Variants in TRUB1 observed in about 807,000 individuals in gnomAD.
TRUB1 encodes the protein pseudouridylate synthase TRUB1.
Under a neutral mutation model 33.9 loss-of-function variants are expected in TRUB1, and 23 were observed. The observed-to-expected ratio is 0.68, with a 90% CI of 0.49 to 0.96. The LOEUF (loss-of-function observed/expected upper bound fraction) is 0.96. TRUB1 is among the 40% of genes least tolerant of loss of function. The pLI is 0.00. For synonymous variants in TRUB1, 163 were observed against 165.4 expected, an observed-to-expected ratio of 0.99 and a Z score of 0.11; for missense variants, 378 against 422.2, an observed-to-expected ratio of 0.90 and a Z score of 0.92.
chr10:114,952,028 T>A (rs2084237841), intron 3 of TRUB1, among the ~76,000 whole-genome samples: 2 of 152,210 alleles, frequency 1.3e-5, no homozygotes, highest in Non-Finnish European at 2.9e-5. Flanking sequence ...TAAAATATAA[T>A]TAAAATACGG....
chr10:114,939,636 T>G (rs920805939), intron 1 of TRUB1, among the ~76,000 whole-genome samples: 2 of 152,222 alleles, frequency 1.3e-5, no homozygotes, highest in Non-Finnish European at 2.9e-5. Context: ...AGATGTTTAA[T>G]TCCAGTATCA....
chr10:114,943,742 T>C (rs575908876), intron 2 of TRUB1, among the ~76,000 whole-genome samples: 2 of 152,310 alleles, frequency 1.3e-5, no homozygotes, highest in East Asian at 3.9e-4. Context: ...GTATTCTTAC[T>C]ACATCACTGT....
At chr10:114,950,140 C>T (rs949958029) in intron 2 of TRUB1, among the ~76,000 whole-genome samples, 7 of 152,006 alleles carry the variant, frequency 4.6e-5, no homozygotes, top group East Asian at 1.9e-4. Context: ...TCAGGTGATC[C>T]GCCCGCCTCA....
chr10:114,963,878 A>G (rs1260445467), intron 4 of TRUB1, among the ~76,000 whole-genome samples: 1 of 152,046 alleles, frequency 6.6e-6, no homozygotes, highest in Non-Finnish European at 1.5e-5. Flanking sequence ...TTTGTGAATA[A>G]AGTGCTGTGT....
chr10:114,970,262 G>C (rs901119258), intron 4 of TRUB1, 106 bp from the exon 5 acceptor site: 1 of 766,340 alleles, frequency 1.3e-6, no homozygotes, highest in Admixed American at 2.4e-5. Flanking sequence ...TGTAATATAT[G>C]CTTTTGGAAA....
intron 6 of TRUB1, among the ~76,000 whole-genome samples, chr10:114,974,096 GT>G (rs1157154424): frequency 6.6e-6 from 1 of 152,132 alleles, no homozygotes; most frequent in Non-Finnish European, 1.5e-5. Context: ...TGCCTTGCCA[GT>G]TAATTTAAAA....
At chr10:114,967,919 G>A (rs543380812) in intron 4 of TRUB1, among the ~76,000 whole-genome samples, 40 of 152,162 alleles carry the variant, frequency 2.6e-4, no homozygotes, top group African/African-American at 9.2e-4. Flanking sequence ...TGGATGATTG[G>A]CCTAGGTGAC....
intron 5 of TRUB1, among the ~76,000 whole-genome samples, chr10:114,971,520 A>C (rs149379641): frequency 1.3e-5 from 2 of 152,124 alleles, no homozygotes; most frequent in Admixed American, 6.5e-5. Flanking sequence ...AAAATTTAAA[A>C]ATTTTAGCAA....
rs2084278028 is a variant in TRUB1, at chr10:114,959,870, G to A, written c.523+63G>A. ...TTTAGGAAAAGTTTCTGTGCAGGTA[G>A]CATTTTAAAACAAATCTCTGATATT... is the stretch of plus-strand genomic sequence containing the variant. On this transcript the variant is annotated intron_variant, in intron 4 of 7. Coordinates refer to ENST00000298746, the MANE Select transcript of TRUB1 (RefSeq NM_139169.5). The A allele has an allele frequency of 7.0e-6, 7 of 998,342 alleles. No homozygotes were observed. In the South Asian group the frequency reaches 9.0e-5, roughly 13 times the overall value. The allele number at this position is 998,342 out of a possible 1,614,324, so 61.8% of individuals were successfully genotyped here. A position where few individuals can be genotyped will look rare whatever the true frequency, so the allele number is the denominator to read the frequency against.
chr10:114,975,351 GAGA>G lies in TRUB1; in HGVS notation c.1026_1028del (p.Glu342del), dbSNP rs1276131206. ...TATATAACTCTAAATGAGCCAAAGA[GAGA>G]AGATGATGTAATTAAGACGTGTTGA... On this transcript the variant is annotated inframe_deletion, in exon 8 of 8. Transcript: ENST00000298746. 1 of 1,593,510 alleles carries G rather than the reference GAGA, an allele frequency of 6.3e-7. No homozygotes were observed. The highest frequency in any genetic ancestry group is 1.8e-5 in the Admixed American group (1 of 56,832).
intron 1 of TRUB1, among the ~76,000 whole-genome samples, chr10:114,939,237 G>A (rs6585306): frequency 0.47 from 71,745 of 152,020 alleles, 18,400 homozygotes; most frequent in African/African-American, 0.65. Context: ...GAAAAGCCTA[G>A]AGAATCACCC....
At chr10:114,972,424 T>C (rs2084341221) in intron 6 of TRUB1, 150 bp downstream of exon 6, 1 of 903,424 alleles carries the variant, frequency 1.1e-6, no homozygotes, top group African/African-American at 1.7e-5. Flanking sequence ...TATACCTTTT[T>C]TGGTAACACA....
intron 1 of TRUB1, among the ~76,000 whole-genome samples, chr10:114,939,824 TTC>T (rs374125067): frequency 0.021 from 1,468 of 69,076 alleles, 32 homozygotes; most frequent in South Asian, 0.064. Context: ...TGGGTTTCTT[TTC>T]TTTTTTTTTT....
intron 2 of TRUB1, among the ~76,000 whole-genome samples, chr10:114,944,735 A>G (rs939829539): frequency 3.3e-5 from 5 of 152,144 alleles, no homozygotes; most frequent in African/African-American, 1.2e-4. Flanking sequence ...CTATAATCCC[A>G]GTACTTTGGG....
At chr10:114,953,109 G>A (rs901378800) in intron 3 of TRUB1, among the ~76,000 whole-genome samples, 18 of 152,028 alleles carry the variant, frequency 1.2e-4, no homozygotes, top group African/African-American at 4.3e-4. Flanking sequence ...ATATATTACT[G>A]AAAGATTTTA....
chr10:114,961,778 A>T (rs1361224377), intron 4 of TRUB1, among the ~76,000 whole-genome samples: 3 of 152,202 alleles, frequency 2.0e-5, no homozygotes, highest in Non-Finnish European at 4.4e-5. Flanking sequence ...TTATTTGTTG[A>T]AGCTGCTATA....
At chr10:114,958,011 G>GAT (rs1404801138) in intron 3 of TRUB1, among the ~76,000 whole-genome samples, 2 of 152,136 alleles carry the variant, frequency 1.3e-5, no homozygotes, top group South Asian at 4.1e-4. Context: ...TTATTTACCA[G>GAT]GGCTAGATAT....
At chr10:114,968,250 C>G (rs756755285) in intron 4 of TRUB1, among the ~76,000 whole-genome samples, 1 of 152,160 alleles carries the variant, frequency 6.6e-6, no homozygotes, top group Non-Finnish European at 1.5e-5. Flanking sequence ...TGAGAAAGAA[C>G]ACATCTTGTC....
At chr10:114,958,444 A>G (rs2084270680) in intron 3 of TRUB1, among the ~76,000 whole-genome samples, 1 of 152,210 alleles carries the variant, frequency 6.6e-6, no homozygotes, top group South Asian at 2.1e-4. Flanking sequence ...AGCTGTTATA[A>G]AATGTCTGCA....
Sources: gnomAD v4.1 joint callset for allele counts (sites outside exome capture counted in the v4.1 genomes callset) on GRCh38, gnomAD v4.1.1 for gene constraint, MANE v1.5 for transcripts, NCBI Gene and HGNC (gene_info 2026-07-23, HGNC 2026-07-21) for gene names.